The following MAP3K5 variants were observed in gnomAD, a reference collection of about 807,000 sequenced individuals.
MAP3K5 encodes the protein ASK-1.
MAP3K5 carries 56 observed loss-of-function variants against 158.7 expected under a neutral mutation model. The observed-to-expected ratio is 0.35, with a 90% CI of 0.28 to 0.44. The LOEUF (loss-of-function observed/expected upper bound fraction) is 0.44, where lower values mean the gene tolerates loss of function less well. Ranked by LOEUF, MAP3K5 falls within the 20% of genes least tolerant of loss-of-function variation. The pLI is 1.00. For missense variants in MAP3K5, 1,294 were observed against 1,674.8 expected (o/e 0.77, Z 3.97); for synonymous variants, 579 against 601.7 (o/e 0.96, Z 0.55).
intron 21 of MAP3K5, among the ~76,000 whole-genome samples, chr6:136,594,543 GAGC>G (rs1775538125): frequency 6.6e-6 from 1 of 152,178 alleles, no homozygotes; most frequent in Non-Finnish European, 1.5e-5. Flanking sequence ...AGCTGAAGAA[GAGC>G]TCTTGGCTTG....
intron 11 of MAP3K5, among the ~76,000 whole-genome samples, chr6:136,648,263 T>G (rs969592898): frequency 6.6e-6 from 1 of 152,232 alleles, no homozygotes; most frequent in Non-Finnish European, 1.5e-5. Context: ...AGCTTCTGAC[T>G]CTGCACACAG....
chr6:136,573,004 T>C (rs1340711377), intron 25 of MAP3K5, among the ~76,000 whole-genome samples: 1 of 152,236 alleles, frequency 6.6e-6, no homozygotes, highest in Non-Finnish European at 1.5e-5. Context: ...ATAATTCACA[T>C]GTACACTGAG....
chr6:136,649,099 A>G (rs1778405009), intron 11 of MAP3K5, among the ~76,000 whole-genome samples: 1 of 152,150 alleles, frequency 6.6e-6, no homozygotes, highest in Admixed American at 6.5e-5. Context: ...CCTCCTGAGT[A>G]GTGGGGATTA....
At chr6:136,783,649 G>A (rs1361285457) in intron 1 of MAP3K5, among the ~76,000 whole-genome samples, 1 of 152,222 alleles carries the variant, frequency 6.6e-6, no homozygotes, top group African/African-American at 2.4e-5. Flanking sequence ...TACAGCCACA[G>A]TGAGGCTTCC....
intron 1 of MAP3K5, among the ~76,000 whole-genome samples, chr6:136,752,665 G>C (rs1038188713): frequency 6.6e-6 from 1 of 152,188 alleles, no homozygotes; most frequent in Non-Finnish European, 1.5e-5. Flanking sequence ...GCCCTCCTCG[G>C]CCTCCCAGAG....
chr6:136,632,593 T>C (rs997174116), intron 14 of MAP3K5, among the ~76,000 whole-genome samples: 5 of 152,138 alleles, frequency 3.3e-5, no homozygotes, highest in African/African-American at 9.7e-5. Flanking sequence ...ATTTCTCTGA[T>C]GATAACAGAG....
chr6:136,697,312 A>C lies in MAP3K5; in HGVS notation c.882T>G (p.Ala294=), dbSNP rs1298994051. ...CTCGCTGCCGAATTCTTGCCAACTCAGCTGCCAATTCTTTACCAGTGTATA... is the reference window on the plus strand; with the variant it reads ...CTCGCTGCCGAATTCTTGCCAACTCCGCTGCCAATTCTTTACCAGTGTATA... ...RNLYTGKELA[A]ELARIRQRVD... is the part of the protein sequence containing the mutation. The change falls in exon 5 of 30, where the codon GCT becomes GCG. Residue 294 remains alanine, a synonymous_variant. Transcript: ENST00000359015. 6.2e-7 allele frequency: 1 copy of C among 1,613,720 alleles called. No homozygotes were observed. The highest frequency in any genetic ancestry group is 2.2e-5 in the East Asian group (1 of 44,836).
intron 2 of MAP3K5, among the ~76,000 whole-genome samples, chr6:136,706,686 A>G (rs1202718671): frequency 6.6e-6 from 1 of 152,242 alleles, no homozygotes; most frequent in East Asian, 1.9e-4. Context: ...TCTTCAGCCC[A>G]GGACCAGGAT....
chr6:136,778,778 TGTTGGTAACA>T (rs1391195337), intron 1 of MAP3K5, among the ~76,000 whole-genome samples: 2 of 152,226 alleles, frequency 1.3e-5, no homozygotes, highest in African/African-American at 4.8e-5. Flanking sequence ...CTGAGACCAC[TGTTGGTAACA>T]GTTTCAGGGT....
At chr6:136,569,421 G>C (rs1774267513) in intron 25 of MAP3K5, among the ~76,000 whole-genome samples, 1 of 152,088 alleles carries the variant, frequency 6.6e-6, no homozygotes, top group Non-Finnish European at 1.5e-5. Context: ...TACATAATAA[G>C]AACCTTGGCT....
intron 8 of MAP3K5, among the ~76,000 whole-genome samples, chr6:136,666,273 A>G (rs780553872): frequency 3.3e-5 from 5 of 152,246 alleles, no homozygotes; most frequent in African/African-American, 4.8e-5. Flanking sequence ...GCAACACAGC[A>G]TGACAGTTAA....
upstream of MAP3K5, chr6:136,792,611 G>C (rs1785138622): frequency 6.4e-6 from 1 of 156,642 alleles, no homozygotes; most frequent in Non-Finnish European, 1.4e-5. This position sits in a 1 kb window ranked among gnomAD's most constrained non-coding sequence, Gnocchi z 5.7. Flanking sequence ...GCCAGGAAGG[G>C]CGCCCCCTGG....
At chr6:136,705,037 T>A (rs1179287114) in intron 3 of MAP3K5, 73 bp downstream of exon 3, 2 of 747,164 alleles carry the variant, frequency 2.7e-6, no homozygotes, top group African/African-American at 3.8e-5. Flanking sequence ...GTGGAGATTT[T>A]AAAAATACCA....
chr6:136,602,310 C>A lies in MAP3K5; in HGVS notation c.2680-331G>T, dbSNP rs187543171. Among the ~76,000 whole-genome samples the A allele has an allele frequency of 4.6e-5, 7 of 151,768 alleles. No individual in the cohort carries two copies. The East Asian group carries it at 5.8e-4, about 13-fold the overall frequency. On this transcript the variant is annotated intron_variant, in intron 19 of 29. Transcript: ENST00000359015. ...GATCTTTATTTTTCTTTCTTTCTTT[C>A]TTTTTTTTGAGACAGGATCTCACTC...
At chr6:136,768,636 A>C (rs887997944) in intron 1 of MAP3K5, among the ~76,000 whole-genome samples, 2 of 152,094 alleles carry the variant, frequency 1.3e-5, no homozygotes, top group African/African-American at 4.8e-5. Flanking sequence ...CTTGGTGGCC[A>C]GGCATGGTGG....
intron 8 of MAP3K5, among the ~76,000 whole-genome samples, chr6:136,660,488 G>GA (rs2114471179): frequency 6.6e-6 from 1 of 152,196 alleles, no homozygotes; most frequent in Non-Finnish European, 1.5e-5. Context: ...TAAAAGTCCT[G>GA]AAATCCGGTA....
chr6:136,596,264 C>G (rs527363963), intron 21 of MAP3K5, among the ~76,000 whole-genome samples: 1 of 152,154 alleles, frequency 6.6e-6, no homozygotes, highest in Admixed American at 6.5e-5. Context: ...TCATGGAAGC[C>G]CACACAGGAG....
chr6:136,606,757 C>T (rs1054396330), intron 18 of MAP3K5, among the ~76,000 whole-genome samples: 2 of 152,200 alleles, frequency 1.3e-5, no homozygotes, highest in Non-Finnish European at 2.9e-5. Context: ...GATTCATAAC[C>T]AAAGTGACAG....
In MAP3K5 at chr6:136,697,376, C is replaced by T. The variant is rs754707229; in HGVS notation, c.818G>A (p.Arg273Gln). ...CCTGATGTCATTGAGTATAGATTCC[C>T]GGAAGTACTGGCTGGTAAAAACACA... Reference protein sequence around the residue: ...VAQASSSQYFRESILNDIRKA... With the variant: ...VAQASSSQYFQESILNDIRKA... The change falls in exon 5 of 30, where the codon CGG becomes CAG. Residue 273 changes from arginine (R) to glutamine (Q), a missense_variant. Coordinates refer to ENST00000359015, the MANE Select transcript of MAP3K5 (RefSeq NM_005923.4). 19 of 1,604,386 alleles carry T rather than the reference C, an allele frequency of 1.2e-5. No homozygotes were observed. The highest frequency in any genetic ancestry group is 1.7e-4 in the Middle Eastern group (1 of 6,018).
Sources: allele counts gnomAD v4.1 joint callset (sites outside exome capture counted in the v4.1 genomes callset), GRCh38; gene constraint gnomAD v4.1.1; non-coding constraint Gnocchi (gnomAD v3.1); transcripts MANE v1.5; gene names NCBI Gene and HGNC (gene_info 2026-07-23, HGNC 2026-07-21).